Variants in TICRR observed in about 807,000 individuals in gnomAD.
The protein encoded by TICRR is TOPBP1 interacting checkpoint and replication regulator, also known as treslin.
Under a neutral mutation model 178.1 loss-of-function variants are expected in TICRR, and 132 were observed. The ratio of observed to expected loss-of-function variants is 0.74; its 90% CI spans 0.64 to 0.86. TICRR has a LOEUF of 0.86. Ranked by LOEUF, TICRR falls within the 40% of genes least tolerant of loss-of-function variation. The probability of loss-of-function intolerance (pLI) is 0.00; values close to 1 mark genes in which losing one functional copy is unlikely to be tolerated. For synonymous variants in TICRR, 991 were observed against 900.7 expected (o/e 1.10, Z -1.79); for missense variants, 2,587 against 2,334.3 (o/e 1.11, Z -2.23).
intron 5 of TICRR, among the ~76,000 whole-genome samples, chr15:89,592,652 AAC>A (rs78324071): frequency 0.054 from 8,187 of 152,302 alleles, 231 homozygotes; most frequent in East Asian, 0.095. Flanking sequence ...ATAAATAGAA[AAC>A]AAATAAATGT....
Position 89,625,413 on chromosome 15 carries a change from G to A in TICRR, c.5103G>A (p.Gly1701=). ...GCTGTGGCGCCGGCTCCTCTTCCGGGAGGGGCGAGGTCGGTGCAGACCTTC... is the reference window on the plus strand; with the variant it reads ...GCTGTGGCGCCGGCTCCTCTTCCGGAAGGGGCGAGGTCGGTGCAGACCTTC... The part of the protein sequence containing the change: ...AVGCGAGSSS[G]RGEVGADLPG... The change falls in exon 20 of 22, where the codon GGG becomes GGA. Residue 1701 remains glycine (G), a synonymous_variant. Transcript: ENST00000268138. The A allele has an allele frequency of 6.2e-7, 1 of 1,614,020 alleles. No homozygotes were observed. The highest frequency in any genetic ancestry group is 8.5e-7 in the Non-Finnish European group (1 of 1,180,010).
chr15:89,584,301 A>G lies in TICRR; in HGVS notation c.950A>G (p.Gln317Arg), dbSNP rs764249132. 19 of 1,605,788 alleles carry G rather than the reference A, an allele frequency of 1.2e-5. No homozygotes were observed. Among genetic ancestry groups the G allele is most frequent in the Non-Finnish European group, 1.4e-5 (17 of 1,176,384 alleles). ...FLPVEAGKEI[Q>R]ETWTVTLEPL... Reference sequence around the variant, plus strand: ...TTATTTCTAGCAGGCAAAGAGATTCAAGAAACATGGACAGTCACCCTAGAG... The same window carrying G: ...TTATTTCTAGCAGGCAAAGAGATTCGAGAAACATGGACAGTCACCCTAGAG... Residue 317 changes from glutamine to arginine, a missense_variant, in exon 3 of 22, where the codon CAA (glutamine) becomes CGA (arginine). Transcript: ENST00000268138.
chr15:89,599,837 G>A (rs917007203), intron 8 of TICRR, among the ~76,000 whole-genome samples: 1 of 152,162 alleles, frequency 6.6e-6, no homozygotes, highest in Non-Finnish European at 1.5e-5. Flanking sequence ...ACTAACCGTG[G>A]TGGCTCACGC....
chr15:89,624,966 C>A lies in TICRR; in HGVS notation c.4656C>A (p.Asp1552Glu), dbSNP rs1403329469. ...NLPASAWHST[D>E]SASPQTYEVE... ...CAGCATCAGCTTGGCATTCCACAGA[C>A]TCTGCCAGCCCACAGACCTATGAGG... is the stretch of plus-strand genomic sequence containing the variant. The change falls in exon 20 of 22, where the codon GAC (aspartate) becomes GAA (glutamate). Residue 1552 changes from aspartate (D) to glutamate (E), a missense_variant. Coordinates refer to ENST00000268138, the MANE Select transcript of TICRR (RefSeq NM_152259.4). The A allele has an allele frequency of 4.3e-6, 7 of 1,614,124 alleles. No homozygotes were observed. In the South Asian group the frequency reaches 7.7e-5, roughly 18 times the overall value.
chr15:89,576,850 TATATATATATAC>T lies in TICRR; in HGVS notation c.654+612_654+623del, dbSNP rs1237963331. 9.2e-4 allele frequency among the ~76,000 whole-genome samples: 64 copies of T among 69,194 alleles called. 1 individual carries two copies. Among genetic ancestry groups the T allele is most frequent in the African/African-American group, 2.0e-3 (46 of 22,706 alleles). 45.4% of individuals were successfully genotyped at this position (69,194 alleles called of 152,430 possible). A position where few individuals can be genotyped will look rare whatever the true frequency, so the allele number is the denominator to read the frequency against. ...ATATATATATATATATATATATATA[TATATATATATAC>T]ACACACACACATATATATACACATT... On this transcript the variant is annotated intron_variant, in intron 1 of 21. Transcript: ENST00000268138.
At chr15:89,595,925 T>C (rs1252460791) in intron 7 of TICRR, among the ~76,000 whole-genome samples, 2 of 152,118 alleles carry the variant, frequency 1.3e-5, no homozygotes, top group African/African-American at 2.4e-5. Context: ...TTTACAGATT[T>C]TTTTTTTTCC....
chr15:89,592,190 A>G lies in TICRR; in HGVS notation c.1541+14A>G, dbSNP rs757166132. On this transcript the variant is annotated intron_variant, in intron 5 of 21. Transcript: ENST00000268138. ...GGAGTCATTTGGGTAAAACGTTTTT[A>G]TATCTCTTGAATATTGATTATTAAA... is the stretch of plus-strand genomic sequence containing the variant. 6.2e-6 allele frequency: 10 copies of G among 1,608,826 alleles called. No individual in the cohort carries two copies. The highest frequency in any genetic ancestry group is 4.4e-5 in the South Asian group (4 of 90,710).
chr15:89,576,789 C>G (rs1334052121), intron 1 of TICRR, among the ~76,000 whole-genome samples: 2 of 145,426 alleles, frequency 1.4e-5, no homozygotes, highest in East Asian at 4.0e-4. Context: ...GGTTTTAACA[C>G]AATACCCAGG....
At chr15:89,610,198 C>T (rs926027951) in intron 15 of TICRR, among the ~76,000 whole-genome samples, 4 of 152,184 alleles carry the variant, frequency 2.6e-5, no homozygotes, top group African/African-American at 9.7e-5. Context: ...GAATGTGAAG[C>T]ATTCTATAGA....
chr15:89,624,873 T>G lies in TICRR; in HGVS notation c.4563T>G (p.Pro1521=), dbSNP rs769349690. Residue 1521 remains proline, a synonymous_variant, in exon 20 of 22, where the codon CCT becomes CCG. Transcript: ENST00000268138. ...PSCGPGSPLM[P]SRDVHCTTDG... ...GTGGGCCTGGCTCTCCTCTGATGCC[T>G]TCCCGTGACGTGCACTGTACCACAG... 5.0e-6 allele frequency: 8 copies of G among 1,613,850 alleles called. No homozygotes were observed. The Admixed American group carries it at 6.7e-5, about 13-fold the overall frequency.
At chr15:89,603,307 C>T (rs1468998163) in intron 13 of TICRR, among the ~76,000 whole-genome samples, 3 of 152,106 alleles carry the variant, frequency 2.0e-5, no homozygotes, top group Admixed American at 6.6e-5. Context: ...CCAGGCACAG[C>T]GGCTCACACC....
chr15:89,585,861 G>A lies in TICRR; in HGVS notation c.1330G>A (p.Asp444Asn). Reference sequence around the variant, plus strand: ...AACAGCTGTGGCTGACAGCCCCCGGGACACAGCTTCCCTTTTCTCAGATGT... The same window carrying A: ...AACAGCTGTGGCTGACAGCCCCCGGAACACAGCTTCCCTTTTCTCAGATGT... ...LQTAVADSPR[D>N]TASLFSDVVD... is the part of the protein sequence containing the mutation. The change falls in exon 4 of 22, where the codon GAC (aspartate) becomes AAC (asparagine). Residue 444 changes from aspartate to asparagine, a missense_variant. By Grantham distance (23) the Asp-to-Asn change is conservative. Coordinates refer to ENST00000268138, the MANE Select transcript of TICRR (RefSeq NM_152259.4). 1 of 1,614,114 alleles carries A rather than the reference G, an allele frequency of 6.2e-7. No individual in the cohort carries two copies. Among genetic ancestry groups the A allele is most frequent in the Non-Finnish European group, 8.5e-7 (1 of 1,180,014 alleles).
At chr15:89,620,869 C>T (rs1451046303) in intron 18 of TICRR, among the ~76,000 whole-genome samples, 1 of 151,404 alleles carries the variant, frequency 6.6e-6, no homozygotes, top group African/African-American at 2.4e-5. Context: ...ACTACAGGCG[C>T]CCGCCACCAC....
chr15:89,592,192 A>G lies in TICRR; in HGVS notation c.1541+16A>G, dbSNP rs767383334. 2 of 1,608,256 alleles carry G rather than the reference A, an allele frequency of 1.2e-6. No homozygotes were observed. Among genetic ancestry groups the G allele is most frequent in the Non-Finnish European group, 1.7e-6 (2 of 1,175,570 alleles). ...AGTCATTTGGGTAAAACGTTTTTAT[A>G]TCTCTTGAATATTGATTATTAAAAT... On this transcript the variant is annotated intron_variant, in intron 5 of 21. Transcript: ENST00000268138.
Position 89,601,941 on chromosome 15 carries a change from G to A in TICRR, c.2532G>A (p.Leu844=). ...CAGGCAGCCCTGAATCTGATGAACTGCAGGAACTTCGTACCAGATCAGCCA... is the reference window on the plus strand; with the variant it reads ...CAGGCAGCCCTGAATCTGATGAACTACAGGAACTTCGTACCAGATCAGCCA... The part of the protein sequence containing the change: ...SVSGSPESDE[L]QELRTRSAKK... The change falls in exon 12 of 22, where the codon CTG becomes CTA. Residue 844 remains leucine, a synonymous_variant. Transcript: ENST00000268138. 2 of 1,614,136 alleles carry A rather than the reference G, an allele frequency of 1.2e-6. No individual in the cohort carries two copies. The highest frequency in any genetic ancestry group is 1.1e-5 in the South Asian group (1 of 91,086).
chr15:89,612,024 T>C (rs1203029266), intron 15 of TICRR, among the ~76,000 whole-genome samples: 3 of 152,202 alleles, frequency 2.0e-5, no homozygotes, highest in African/African-American at 7.2e-5. Flanking sequence ...GGCCATACTT[T>C]CTTGTTTCTT....
chr15:89,596,531 G>A (rs139909340), intron 7 of TICRR, among the ~76,000 whole-genome samples: 1 of 152,162 alleles, frequency 6.6e-6, no homozygotes. Context: ...ATTTTTAGTA[G>A]AGACAGGGTT....
intron 7 of TICRR, among the ~76,000 whole-genome samples, chr15:89,597,981 AG>A (rs1027318936): frequency 6.6e-6 from 1 of 152,002 alleles, no homozygotes; most frequent in Admixed American, 6.6e-5. Context: ...TTTCATATTT[AG>A]GGGGGGTGCT....
chr15:89,582,630 T>G, intron 1 of TICRR, 56 bp from the exon 2 acceptor site: 5 of 1,514,656 alleles, frequency 3.3e-6, no homozygotes, highest in Non-Finnish European at 4.5e-6. Context: ...TCCTTTACTT[T>G]TATTTGTGAA....
Sources: gnomAD v4.1 joint callset for allele counts (sites outside exome capture counted in the v4.1 genomes callset) on GRCh38, gnomAD v4.1.1 for gene constraint, MANE v1.5 for transcripts, NCBI Gene and HGNC (gene_info 2026-07-23, HGNC 2026-07-21) for gene names.